The following DRC4 variants were observed in gnomAD, a reference collection of about 807,000 sequenced individuals.
The protein encoded by DRC4 is GAS-11.
At chr16:90,035,802 A>C in the DRC4 span, 1 of 1,603,206 alleles carries the variant, frequency 6.2e-7, no homozygotes, top group Non-Finnish European at 8.5e-7. Flanking sequence ...TAAAACAGCC[A>C]AGGCATGCAA....
the DRC4 span, chr16:90,031,575 G>A: frequency 2.8e-6 from 4 of 1,416,390 alleles, no homozygotes; most frequent in South Asian, 5.5e-5. Context: ...GGGTGCAGGT[G>A]GGACATTTTC....
chr16:90,037,448 G>C, the DRC4 span: 1 of 1,559,440 alleles, frequency 6.4e-7, no homozygotes, highest in East Asian at 2.3e-5. Context: ...AGCTTGCCTA[G>C]GCTCAGGAGG....
chr16:90,038,139 A>G, the DRC4 span, among the ~76,000 whole-genome samples: 1 of 152,198 alleles, frequency 6.6e-6, no homozygotes, highest in Non-Finnish European at 1.5e-5. Context: ...TGGGGTCTTG[A>G]TGGGGAACGG....
At chr16:90,038,375 G>C in the DRC4 span, among the ~76,000 whole-genome samples, 1 of 152,314 alleles carries the variant, frequency 6.6e-6, no homozygotes, top group Non-Finnish European at 1.5e-5. Context: ...TAATCTCACA[G>C]TGTATCAGGC....
At chr16:90,024,351 A>G in the DRC4 span, among the ~76,000 whole-genome samples, 1 of 152,166 alleles carries the variant, frequency 6.6e-6, no homozygotes, top group Non-Finnish European at 1.5e-5. Flanking sequence ...AATCCAAAGG[A>G]CTGAGCCCTG....
chr16:90,027,791 C>T, the DRC4 span: 41 of 1,410,078 alleles, frequency 2.9e-5, no homozygotes, highest in African/African-American at 1.1e-4. Context: ...GTGCCTACGC[C>T]GAGTGTCCAT....
the DRC4 span, chr16:90,035,888 G>A: frequency 1.4e-5 from 20 of 1,462,080 alleles, no homozygotes; most frequent in African/African-American, 2.4e-4. Context: ...ATGTGAGTTT[G>A]GGAGGCTGTG....
the DRC4 span, chr16:90,028,063 C>T: frequency 3.4e-5 from 7 of 207,482 alleles, no homozygotes; most frequent in Admixed American, 5.7e-5. Flanking sequence ...GTAGAACACA[C>T]ATGTAGCATT....
chr16:90,034,892 CTTTTTTTTTTTTTT>C, the DRC4 span, among the ~76,000 whole-genome samples: 7 of 53,848 alleles, frequency 1.3e-4, no homozygotes, highest in South Asian at 2.1e-3. Flanking sequence ...CCCACCTAAT[CTTTTTTTTTTTTTT>C]TTTTTTTTTT....
At chr16:90,044,113 C>T in the DRC4 span, 17 of 452,750 alleles carry the variant, frequency 3.8e-5, no homozygotes, top group Non-Finnish European at 6.2e-5. Flanking sequence ...ACCTTCCGCA[C>T]CAGAGGGACA....
chr16:90,031,641 G>A, the DRC4 span: 3 of 872,784 alleles, frequency 3.4e-6, no homozygotes, highest in Non-Finnish European at 5.2e-6. Context: ...AAGCCTGAGG[G>A]AGAGACCCTG....
the DRC4 span, chr16:90,029,457 C>CA: frequency 1.7e-6 from 1 of 585,776 alleles, no homozygotes; most frequent in African/African-American, 2.0e-5. Context: ...TGAGTGATGG[C>CA]AAAATCTCAA....
the DRC4 span, chr16:90,037,267 C>G: frequency 1.2e-6 from 2 of 1,613,418 alleles, no homozygotes; most frequent in Non-Finnish European, 1.7e-6. Flanking sequence ...AGGAGGACCA[C>G]CTGGAGAGGG....
the DRC4 span, among the ~76,000 whole-genome samples, chr16:90,034,028 G>A: frequency 2.0e-5 from 3 of 152,020 alleles, no homozygotes; most frequent in Non-Finnish European, 2.9e-5. Context: ...CTCGAAAGCC[G>A]TGGTGGGGAC....
chr16:90,027,599 T>A, the DRC4 span: 1 of 1,595,474 alleles, frequency 6.3e-7, no homozygotes, highest in Non-Finnish European at 8.6e-7. Flanking sequence ...AAGGGGAAGC[T>A]GTTAGAGTCT....
the DRC4 span, among the ~76,000 whole-genome samples, chr16:90,030,684 A>G: frequency 6.6e-6 from 1 of 152,176 alleles, no homozygotes; most frequent in East Asian, 1.9e-4. Flanking sequence ...TGGCATGATC[A>G]TAACTAACCG....
the DRC4 span, chr16:90,027,715 A>C: frequency 6.2e-7 from 1 of 1,612,366 alleles, no homozygotes; most frequent in Non-Finnish European, 8.5e-7. Context: ...GACATGAGCA[A>C]GGAGCAGGTG....
At chr16:90,037,679 T>A in the DRC4 span, 1 of 1,378,816 alleles carries the variant, frequency 7.3e-7, no homozygotes, top group Non-Finnish European at 1.0e-6. Flanking sequence ...TTTTTGGCCT[T>A]GCCATCTCCC....
the DRC4 span, chr16:90,029,033 A>C: frequency 4.2e-5 from 54 of 1,292,082 alleles, no homozygotes; most frequent in Non-Finnish European, 5.3e-5. Flanking sequence ...CTGGATGGAG[A>C]ATGGATTGAA....
Sources: gnomAD v4.1 joint callset for allele counts (sites outside exome capture counted in the v4.1 genomes callset) on GRCh38, gnomAD v4.1.1 for gene constraint, MANE v1.5 for transcripts, NCBI Gene and HGNC (gene_info 2026-07-23, HGNC 2026-07-21) for gene names.